The following WDR70 variants were observed in gnomAD, a reference collection of about 807,000 sequenced individuals.
The protein encoded by WDR70 is WD repeat-containing protein 70.
A neutral mutation model predicts 88.6 loss-of-function variants in WDR70; 53 were observed. The observed-to-expected ratio is 0.60, with a 90% CI of 0.48 to 0.75. WDR70 has a LOEUF of 0.75. Among genes scored for constraint, WDR70 ranks in the 30% least tolerant of loss-of-function variants. The pLI is 0.00. For synonymous variants in WDR70, 280 were observed against 270.0 expected (o/e 1.04, Z -0.36); for missense variants, 610 against 823.2 (o/e 0.74, Z 3.17).
intron 10 of WDR70, among the ~76,000 whole-genome samples, chr5:37,639,734 TG>T (rs113308769): frequency 0.019 from 2,855 of 152,288 alleles, 82 homozygotes; most frequent in African/African-American, 0.064. Flanking sequence ...TTTGTTCCAT[TG>T]ATTTAAAATA....
chr5:37,395,171 C>T (rs1403534016), intron 4 of WDR70, among the ~76,000 whole-genome samples: 1 of 152,088 alleles, frequency 6.6e-6, no homozygotes, highest in African/African-American at 2.4e-5. Flanking sequence ...GCTGAATGCT[C>T]AACTCTGGCG....
At position 37,627,985 on chromosome 5, in the gene WDR70, C is replaced by T. The variant is rs556107247; in HGVS notation, c.1092+22747C>T. Among the ~76,000 whole-genome samples, 22 of 152,274 alleles carry T rather than the reference C, an allele frequency of 1.4e-4. 1 individual carries two copies. In the South Asian group the frequency reaches 1.9e-3, roughly 13 times the overall value. On this transcript the variant is annotated intron_variant, in intron 10 of 17. Coordinates refer to ENST00000265107, the MANE Select transcript of WDR70 (RefSeq NM_018034.4). ...TGTCACCTTGGCTGGAGTGCAGTGG[C>T]GTGATCATAGTTCACTGCAGCCTTG...
intron 17 of WDR70, among the ~76,000 whole-genome samples, chr5:37,732,667 A>G (rs944722543): frequency 6.6e-6 from 1 of 152,098 alleles, no homozygotes; most frequent in African/African-American, 2.4e-5. Context: ...CTTGTGAACT[A>G]TTTATGTCTT....
intron 17 of WDR70, among the ~76,000 whole-genome samples, chr5:37,734,768 G>A (rs573251227): frequency 1.3e-5 from 2 of 152,160 alleles, no homozygotes; most frequent in African/African-American, 2.4e-5. Flanking sequence ...CCCATGCAGC[G>A]AACACAAGAG....
At chr5:37,698,588 C>G (rs111649291) in intron 11 of WDR70, among the ~76,000 whole-genome samples, 2,385 of 152,276 alleles carry the variant, frequency 0.016, 50 homozygotes, top group Non-Finnish European at 0.02. Flanking sequence ...CATTCAGTCA[C>G]TCGACTACTG....
chr5:37,396,280 T>C, intron 4 of WDR70, 95 bp from the exon 5 acceptor site: 3 of 1,410,240 alleles, frequency 2.1e-6, no homozygotes, highest in Admixed American at 2.6e-5. Context: ...CAGTTGTTAA[T>C]AGGAGAGGAA....
At chr5:37,594,425 G>A (rs1397655831) in intron 9 of WDR70, among the ~76,000 whole-genome samples, 1 of 152,112 alleles carries the variant, frequency 6.6e-6, no homozygotes, top group African/African-American at 2.4e-5. Flanking sequence ...TCTTGTTTTT[G>A]TCAGGTTTGT....
chr5:37,587,576 G>A (rs112770334), intron 9 of WDR70, among the ~76,000 whole-genome samples: 24 of 151,996 alleles, frequency 1.6e-4, no homozygotes, highest in African/African-American at 5.5e-4. Context: ...GCCTCATGAG[G>A]CGATGGCATG....
intron 11 of WDR70, 141 bp from the exon 12 acceptor site, chr5:37,700,917 T>C (rs1747140804): frequency 1.8e-6 from 1 of 567,140 alleles, no homozygotes; most frequent in Admixed American, 3.3e-5. Flanking sequence ...TTTCTTCCTT[T>C]CTTTCTTCTC....
intron 13 of WDR70, among the ~76,000 whole-genome samples, chr5:37,706,389 C>T (rs904608547): frequency 6.6e-6 from 1 of 152,096 alleles, no homozygotes; most frequent in Non-Finnish European, 1.5e-5. Flanking sequence ...ATGTCCCCAC[C>T]CAAATCTCAT....
intron 8 of WDR70, among the ~76,000 whole-genome samples, chr5:37,486,673 T>TA (rs1739883550): frequency 6.6e-6 from 1 of 152,072 alleles, no homozygotes; most frequent in Non-Finnish European, 1.5e-5. Flanking sequence ...CCATTCTGAC[T>TA]GGTGTGAGAT....
At position 37,605,067 on chromosome 5, in the gene WDR70, T is replaced by C. The variant is rs374851631; in HGVS notation, c.921T>C (p.Thr307=). 2.6e-5 allele frequency: 41 copies of C among 1,605,438 alleles called. No homozygotes were observed. The highest frequency in any genetic ancestry group is 2.9e-5 in the Non-Finnish European group (34 of 1,176,150). ...AAAATCTCCTGATCATTTTTAGGAC[T>C]GTGAGGACGTGGGAAGTTGAAAATC... ...GEFMTCSNDA[T]VRTWEVENPK... is the part of the protein sequence containing the mutation. The change falls in exon 10 of 18, where the codon ACT becomes ACC. Residue 307 remains threonine (T), a synonymous_variant. Transcript: ENST00000265107.
intron 9 of WDR70, among the ~76,000 whole-genome samples, chr5:37,529,597 G>T (rs1741417850): frequency 6.6e-6 from 1 of 151,918 alleles, no homozygotes; most frequent in South Asian, 2.1e-4. Flanking sequence ...TTGTGAAAGT[G>T]GTTGAGTTCT....
intron 10 of WDR70, among the ~76,000 whole-genome samples, chr5:37,620,796 C>T (rs1744486788): frequency 6.6e-6 from 1 of 152,206 alleles, no homozygotes; most frequent in Middle Eastern, 3.4e-3. Flanking sequence ...TAATATTAAC[C>T]CTTTTCAAAC....
intron 12 of WDR70, among the ~76,000 whole-genome samples, chr5:37,701,689 G>T (rs1361615098): frequency 6.6e-6 from 1 of 151,564 alleles, no homozygotes; most frequent in Non-Finnish European, 1.5e-5. Flanking sequence ...GGGAGGCTGA[G>T]GCAGGAGAAT....
intron 17 of WDR70, among the ~76,000 whole-genome samples, chr5:37,735,470 TA>T (rs1748279521): frequency 1.3e-5 from 2 of 152,162 alleles, no homozygotes; most frequent in Non-Finnish European, 2.9e-5. Flanking sequence ...TCTTGATCCC[TA>T]ACCTAATGAG....
intron 9 of WDR70, among the ~76,000 whole-genome samples, chr5:37,601,733 C>T (rs1254825929): frequency 6.6e-6 from 1 of 152,060 alleles, no homozygotes; most frequent in Non-Finnish European, 1.5e-5. Context: ...TCTACTTCCA[C>T]ACTGCCAACA....
intron 7 of WDR70, among the ~76,000 whole-genome samples, chr5:37,461,119 A>AAAAAAAT (rs1561860875): frequency 1.4e-5 from 2 of 146,360 alleles, no homozygotes; most frequent in African/African-American, 2.5e-5. Context: ...AAAAAAAAAA[A>AAAAAAAT]AAAAAATAAA....
chr5:37,576,284 C>T (rs1203625162), intron 9 of WDR70, among the ~76,000 whole-genome samples: 2 of 151,848 alleles, frequency 1.3e-5, no homozygotes, highest in African/African-American at 4.8e-5. Context: ...CTCCATTTCT[C>T]ACACTGAGCT....
Sources: gnomAD v4.1 joint callset for allele counts (sites outside exome capture counted in the v4.1 genomes callset) on GRCh38, gnomAD v4.1.1 for gene constraint, MANE v1.5 for transcripts, NCBI Gene and HGNC (gene_info 2026-07-23, HGNC 2026-07-21) for gene names.